Variants in C8orf34 observed in about 807,000 individuals in gnomAD.
C8orf34 encodes the protein chromosome 8 open reading frame 34, also known as uncharacterized protein C8orf34.
C8orf34 carries 65 observed loss-of-function variants against 68.3 expected under a neutral mutation model. The observed-to-expected ratio is 0.95, with a 90% CI of 0.78 to 1.17. The LOEUF (loss-of-function observed/expected upper bound fraction) is 1.17. Among genes scored for constraint, C8orf34 ranks in the 50% most tolerant of loss-of-function variants. C8orf34 has a pLI of 0.00. For missense variants in C8orf34, 664 were observed against 655.4 expected (o/e 1.01, Z -0.14); for synonymous variants, 244 against 241.2 (o/e 1.01, Z -0.11).
At chr8:68,464,938 A>G (rs1346695537) in intron 3 of C8orf34, among the ~76,000 whole-genome samples, 1 of 151,776 alleles carries the variant, frequency 6.6e-6, no homozygotes, top group Non-Finnish European at 1.5e-5. Context: ...ACAAAAGCCA[A>G]AATTGACAAA....
At chr8:68,332,653 T>A (rs1805676887) in intron 1 of C8orf34, among the ~76,000 whole-genome samples, 1 of 152,130 alleles carries the variant, frequency 6.6e-6, no homozygotes, top group Non-Finnish European at 1.5e-5. Context: ...ATAGGTCTTT[T>A]GGGAGGACGG....
intron 7 of C8orf34, among the ~76,000 whole-genome samples, chr8:68,617,876 G>A (rs904811383): frequency 2.6e-5 from 4 of 152,182 alleles, no homozygotes; most frequent in Admixed American, 2.0e-4. Flanking sequence ...ATCCTGCAGA[G>A]TGTTTTCCAA....
intron 10 of C8orf34, among the ~76,000 whole-genome samples, chr8:68,745,075 A>G (rs1822441339): frequency 6.6e-6 from 1 of 152,194 alleles, no homozygotes; most frequent in Non-Finnish European, 1.5e-5. Context: ...GTGGGGGCCA[A>G]TATTCAACAT....
At chr8:68,446,864 A>G (rs1230297426) in intron 3 of C8orf34, 1 of 183,886 alleles carries the variant, frequency 5.4e-6, no homozygotes. Context: ...ATTTCATAAA[A>G]TTTCTTAAAA....
intron 7 of C8orf34, among the ~76,000 whole-genome samples, chr8:68,544,709 A>T (rs377018834): frequency 2.6e-5 from 4 of 152,306 alleles, no homozygotes; most frequent in East Asian, 3.9e-4. Context: ...GAAACTAGAA[A>T]CAGAACCAAA....
At chr8:68,482,937 C>A (rs529886975) in intron 4 of C8orf34, among the ~76,000 whole-genome samples, 13 of 151,966 alleles carry the variant, frequency 8.6e-5, no homozygotes, top group African/African-American at 3.1e-4. Context: ...AGGCTTAAAA[C>A]AAGAAAGAAT....
At chr8:68,749,287 A>C (rs1475461862) in intron 10 of C8orf34, among the ~76,000 whole-genome samples, 1 of 152,006 alleles carries the variant, frequency 6.6e-6, no homozygotes, top group Admixed American at 6.6e-5. Context: ...ACCTAATGCG[A>C]GATGACGAGT....
chr8:68,666,924 C>G (rs1049591431), intron 8 of C8orf34, among the ~76,000 whole-genome samples: 1 of 152,078 alleles, frequency 6.6e-6, no homozygotes, highest in Non-Finnish European at 1.5e-5. Flanking sequence ...AAAAATGCAT[C>G]TTTTTTATGA....
At chr8:68,746,070 G>A (rs1822480853) in intron 10 of C8orf34, among the ~76,000 whole-genome samples, 3 of 152,248 alleles carry the variant, frequency 2.0e-5, no homozygotes, top group Non-Finnish European at 2.9e-5. Context: ...TAGAACTCAG[G>A]ATTAAGAATC....
chr8:68,685,270 A>G (rs1386228417), intron 8 of C8orf34, among the ~76,000 whole-genome samples: 1 of 152,170 alleles, frequency 6.6e-6, no homozygotes, highest in Admixed American at 6.6e-5. Context: ...CAGAGGCATA[A>G]CAAGTAGGTT....
intron 1 of C8orf34, among the ~76,000 whole-genome samples, chr8:68,420,912 T>C (rs1809939800): frequency 6.7e-6 from 1 of 150,230 alleles, no homozygotes; most frequent in Non-Finnish European, 1.5e-5. Flanking sequence ...GCAGAGTTGA[T>C]GCAGTGAGAA....
chr8:68,332,303 T>C (rs1347335042), intron 1 of C8orf34, among the ~76,000 whole-genome samples: 1 of 137,626 alleles, frequency 7.3e-6, no homozygotes, highest in African/African-American at 2.6e-5. Context: ...CCCATCCAGT[T>C]CAGGGGGCAC....
intron 1 of C8orf34, among the ~76,000 whole-genome samples, chr8:68,370,374 C>T (rs144208800): frequency 1.3e-5 from 2 of 152,232 alleles, no homozygotes; most frequent in East Asian, 3.9e-4. Context: ...GCCACCTGGA[C>T]TTTGCTTCTC....
At chr8:68,463,099 T>A (rs1811924326) in intron 3 of C8orf34, among the ~76,000 whole-genome samples, 2 of 151,932 alleles carry the variant, frequency 1.3e-5, no homozygotes, top group African/African-American at 4.8e-5. Flanking sequence ...TAAAAAATGA[T>A]AAAGGGGATA....
chr8:68,581,000 T>C (rs1429642702), intron 7 of C8orf34, among the ~76,000 whole-genome samples: 1 of 152,116 alleles, frequency 6.6e-6, no homozygotes, highest in Admixed American at 6.6e-5. Flanking sequence ...ATTAAGTGTG[T>C]GGTGGAAGAA....
intron 5 of C8orf34, among the ~76,000 whole-genome samples, chr8:68,501,098 G>T (rs1057264998): frequency 6.6e-6 from 1 of 152,128 alleles, no homozygotes; most frequent in African/African-American, 2.4e-5. Flanking sequence ...TGCCCCTTCT[G>T]CTCTGTGGTC....
chr8:68,575,512 A>G (rs1248864494), intron 7 of C8orf34, among the ~76,000 whole-genome samples: 1 of 152,110 alleles, frequency 6.6e-6, no homozygotes, highest in Non-Finnish European at 1.5e-5. Flanking sequence ...ATTGGGTAAG[A>G]AGTTGAGTTT....
intron 2 of C8orf34, 101 bp from the exon 3 acceptor site, chr8:68,446,228 C>A: frequency 1.1e-6 from 1 of 892,336 alleles, no homozygotes; most frequent in Non-Finnish European, 1.7e-6. Context: ...ATGAGGTGAC[C>A]TATATGTTTT....
At chr8:68,553,845 A>C (rs964837792) in intron 7 of C8orf34, among the ~76,000 whole-genome samples, 3 of 150,246 alleles carry the variant, frequency 2.0e-5, no homozygotes. Flanking sequence ...ACTGTGAAGT[A>C]ATAAATATGT....
Sources: gnomAD v4.1 joint callset for allele counts (sites outside exome capture counted in the v4.1 genomes callset) on GRCh38, gnomAD v4.1.1 for gene constraint, MANE v1.5 for transcripts, NCBI Gene and HGNC (gene_info 2026-07-23, HGNC 2026-07-21) for gene names.